The following ACVR2A variants were observed in gnomAD, a reference collection of about 807,000 sequenced individuals.
The protein encoded by ACVR2A is activin receptor type-2A.
Under a neutral mutation model 61.4 loss-of-function variants are expected in ACVR2A, and 7 were observed. That is an observed-to-expected ratio of 0.11 (90% confidence interval 0.06 to 0.21). ACVR2A has a LOEUF of 0.21. Among genes scored for constraint, ACVR2A ranks in the 10% least tolerant of loss-of-function variants. The pLI is 1.00. For synonymous variants in ACVR2A, 193 were observed against 208.3 expected, an observed-to-expected ratio of 0.93 and a Z score of 0.63; for missense variants, 322 against 621.7, an observed-to-expected ratio of 0.52 and a Z score of 5.13.
intron 1 of ACVR2A, among the ~76,000 whole-genome samples, chr2:147,854,827 G>A (rs746476473): frequency 6.6e-5 from 10 of 152,092 alleles, no homozygotes; most frequent in Non-Finnish European, 1.5e-4. Context: ...ACAGGGTGCC[G>A]AGAGGATTAC....
intron 1 of ACVR2A, among the ~76,000 whole-genome samples, chr2:147,865,914 C>A (rs201636168): frequency 3.2e-3 from 492 of 152,222 alleles, no homozygotes; most frequent in East Asian, 8.3e-3. Flanking sequence ...TACAGGGACA[C>A]TTGAGGTGAT....
intron 1 of ACVR2A, among the ~76,000 whole-genome samples, chr2:147,854,946 A>G (rs1685532968): frequency 1.3e-5 from 2 of 151,908 alleles, no homozygotes; most frequent in South Asian, 4.2e-4. Flanking sequence ...CAGTGGTGCA[A>G]TCTTGGCTTA....
At chr2:147,920,506 G>A (rs1437240003) in intron 8 of ACVR2A, among the ~76,000 whole-genome samples, 162 bp downstream of exon 8, 2 of 152,204 alleles carry the variant, frequency 1.3e-5, no homozygotes, top group African/African-American at 4.8e-5. Context: ...TATGATGGTA[G>A]AGGACTCAGG....
chr2:147,903,270 T>G (rs570096763), intron 4 of ACVR2A, among the ~76,000 whole-genome samples: 3 of 150,012 alleles, frequency 2.0e-5, no homozygotes, highest in Admixed American at 6.7e-5. Flanking sequence ...TTTTCATAAG[T>G]CCTATATTTC....
Position 147,866,751 on chromosome 2 carries a change from A to G in ACVR2A, c.55+21544A>G, listed in dbSNP as rs369805861. On this transcript the variant is annotated intron_variant, in intron 1 of 10. Transcript: ENST00000241416. ...ATTATCATTCAATGCTTTAGAATGAAGAGATGAATTAGGTTTTTATCAAGT... is the reference window on the plus strand; with the variant it reads ...ATTATCATTCAATGCTTTAGAATGAGGAGATGAATTAGGTTTTTATCAAGT... Among the ~76,000 whole-genome samples the G allele has an allele frequency of 7.9e-5, 12 of 152,338 alleles. No homozygotes were observed. The South Asian group carries it at 2.3e-3, about 29-fold the overall frequency.
intron 1 of ACVR2A, among the ~76,000 whole-genome samples, chr2:147,869,210 C>T (rs1345500630): frequency 1.3e-5 from 2 of 151,986 alleles, no homozygotes; most frequent in Admixed American, 1.3e-4. Flanking sequence ...ACATTTGTTT[C>T]CTTTTGGCTG....
Position 147,917,384 on chromosome 2 carries a change from T to G in ACVR2A, c.774T>G (p.Ser258Arg), listed in dbSNP as rs34917571. ...QFIGAEKRGT[S>R]VDVDLWLITA... Reference sequence around the variant, plus strand: ...TTGGTGCAGAAAAACGAGGCACCAGTGTTGATGTGGATCTTTGGCTGATCA... The same window carrying G: ...TTGGTGCAGAAAAACGAGGCACCAGGGTTGATGTGGATCTTTGGCTGATCA... Residue 258 changes from serine (S) to arginine (R), a missense_variant, in exon 6 of 11, where the codon AGT (serine) becomes AGG (arginine). This residue lies in a region of ACVR2A where 146 missense variants were observed against 383.8 expected (regional missense o/e 0.38). Transcript: ENST00000241416. The G allele has an allele frequency of 3.5e-5, 56 of 1,612,428 alleles. No homozygotes were observed. Among genetic ancestry groups the G allele is most frequent in the Non-Finnish European group, 4.7e-5 (55 of 1,178,908 alleles).
intron 4 of ACVR2A, among the ~76,000 whole-genome samples, chr2:147,912,015 A>AACTAGCT (rs146811538): frequency 3.4e-3 from 519 of 152,146 alleles, no homozygotes; most frequent in East Asian, 8.3e-3. Context: ...TTAGCAAATG[A>AACTAGCT]ACTAGCTACA....
chr2:147,857,548 AAAAC>A (rs1434573027), intron 1 of ACVR2A, among the ~76,000 whole-genome samples: 3 of 151,756 alleles, frequency 2.0e-5, no homozygotes, highest in South Asian at 4.2e-4. Context: ...AAAAAAAAAA[AAAAC>A]AAAAAAACCC....
chr2:147,921,235 A>G (rs1483666224), intron 8 of ACVR2A, among the ~76,000 whole-genome samples: 2 of 152,018 alleles, frequency 1.3e-5, no homozygotes, highest in African/African-American at 4.8e-5. Flanking sequence ...GGGTTTCACC[A>G]AGTTGGCCAG....
intron 1 of ACVR2A, among the ~76,000 whole-genome samples, chr2:147,887,300 CTT>C (rs1288866375): frequency 6.6e-6 from 1 of 151,902 alleles, no homozygotes; most frequent in East Asian, 1.9e-4. Flanking sequence ...AAAAAGAACT[CTT>C]TAATTTTATA....
chr2:147,882,006 C>A (rs1686315111), intron 1 of ACVR2A, among the ~76,000 whole-genome samples: 1 of 152,206 alleles, frequency 6.6e-6, no homozygotes, highest in East Asian at 1.9e-4. Context: ...TTGCTTGTCT[C>A]TTTTATAAAA....
chr2:147,917,380 C>T lies in ACVR2A; in HGVS notation c.770C>T (p.Thr257Ile). Residue 257 changes from threonine to isoleucine, a missense_variant, in exon 6 of 11, where the codon ACC becomes ATC. Thr to Ile is a moderately conservative substitution (Grantham distance 89, BLOSUM62 -1). This residue lies in a region of ACVR2A where 146 missense variants were observed against 383.8 expected (regional missense o/e 0.38). Transcript: ENST00000241416. ...TTCATTGGTGCAGAAAAACGAGGCA[C>T]CAGTGTTGATGTGGATCTTTGGCTG... ...LQFIGAEKRG[T>I]SVDVDLWLIT... 2 of 1,612,312 alleles carry T rather than the reference C, an allele frequency of 1.2e-6. No individual in the cohort carries two copies. Among genetic ancestry groups the T allele is most frequent in the East Asian group, 2.2e-5 (1 of 44,790 alleles).
intron 7 of ACVR2A, 69 bp from the exon 8 acceptor site, chr2:147,920,161 T>C: frequency 9.7e-7 from 1 of 1,034,062 alleles, no homozygotes; most frequent in Non-Finnish European, 1.5e-6. Flanking sequence ...CCCCCTTTTC[T>C]GCTTTCAATA....
intron 4 of ACVR2A, chr2:147,902,949 T>C (rs1558808724): frequency 1.3e-5 from 2 of 151,972 alleles, no homozygotes; most frequent in African/African-American, 4.8e-5. Flanking sequence ...TTCTTTTTCT[T>C]AGGGAGACTT....
intron 1 of ACVR2A, among the ~76,000 whole-genome samples, chr2:147,877,721 A>C (rs1203705932): frequency 6.6e-6 from 1 of 152,224 alleles, no homozygotes; most frequent in Non-Finnish European, 1.5e-5. Flanking sequence ...TTATTGTTGA[A>C]GTAAACATGA....
intron 1 of ACVR2A, among the ~76,000 whole-genome samples, chr2:147,894,250 A>G (rs990530404): frequency 1.3e-5 from 2 of 152,122 alleles, no homozygotes; most frequent in South Asian, 2.1e-4. Context: ...CACTATAACC[A>G]TACTGTTTTT....
intron 2 of ACVR2A, among the ~76,000 whole-genome samples, chr2:147,899,194 G>A (rs796742024): frequency 2.6e-5 from 4 of 152,112 alleles, no homozygotes; most frequent in African/African-American, 9.6e-5. Flanking sequence ...GCCTTAGGTT[G>A]CTCATTAAAA....
chr2:147,855,560 A>C (rs1219522545), intron 1 of ACVR2A, among the ~76,000 whole-genome samples: 1 of 152,220 alleles, frequency 6.6e-6, no homozygotes, highest in African/African-American at 2.4e-5. Context: ...AGTGTAAGCT[A>C]GAGAGACTCT....
Sources: allele counts gnomAD v4.1 joint callset (sites outside exome capture counted in the v4.1 genomes callset), GRCh38; gene constraint gnomAD v4.1.1; regional missense constraint gnomAD v4.1.1; transcripts MANE v1.5; gene names NCBI Gene and HGNC (gene_info 2026-07-23, HGNC 2026-07-21).